Variants in LONP2 observed in about 807,000 individuals in gnomAD.
LONP2 encodes the protein lon peptidase 2, peroxisomal.
LONP2 carries 60 observed loss-of-function variants against 85.6 expected under a neutral mutation model. That is an observed-to-expected ratio of 0.70 (90% CI 0.57 to 0.87). The LOEUF is 0.87. Among genes scored for constraint, LONP2 ranks in the 40% least tolerant of loss-of-function variants. The pLI is 0.00. For synonymous variants in LONP2, 395 were observed against 389.7 expected (o/e 1.01, Z -0.16); for missense variants, 860 against 1,063.5 (o/e 0.81, Z 2.66).
chr16:48,333,424 A>T (rs761104797), intron 11 of LONP2, among the ~76,000 whole-genome samples: 3 of 152,154 alleles, frequency 2.0e-5, no homozygotes, highest in Non-Finnish European at 4.4e-5. Flanking sequence ...GAAAATGATA[A>T]CCTTAGAGTT....
intron 11 of LONP2, among the ~76,000 whole-genome samples, chr16:48,304,289 C>A (rs1421591374): frequency 1.3e-5 from 2 of 152,208 alleles, no homozygotes; most frequent in African/African-American, 2.4e-5. Context: ...TAATTTTTCA[C>A]ACATTTTCTT....
At chr16:48,251,583 T>G (rs979057756) in intron 1 of LONP2, among the ~76,000 whole-genome samples, 2 of 152,144 alleles carry the variant, frequency 1.3e-5, no homozygotes, top group African/African-American at 4.8e-5. Context: ...ACTTAGAAAT[T>G]CAGTGTTAAG....
intron 12 of LONP2, among the ~76,000 whole-genome samples, chr16:48,346,340 A>G (rs1184106461): frequency 4.6e-5 from 7 of 152,148 alleles, no homozygotes; most frequent in African/African-American, 1.7e-4. Flanking sequence ...CAAAGGGTGT[A>G]ATGAGAGTTA....
intron 11 of LONP2, among the ~76,000 whole-genome samples, chr16:48,326,541 T>C (rs893661748): frequency 7.9e-5 from 12 of 152,164 alleles, no homozygotes; most frequent in Admixed American, 3.3e-4. Flanking sequence ...ATAAAGATGA[T>C]GATAGATATC....
At chr16:48,296,208 A>T (rs369434923) in intron 9 of LONP2, 43 bp downstream of exon 9, 17 of 1,589,814 alleles carry the variant, frequency 1.1e-5, no homozygotes, top group Non-Finnish European at 1.4e-5. Flanking sequence ...TGCCTTTCTG[A>T]CCATAACTTT....
intron 1 of LONP2, among the ~76,000 whole-genome samples, chr16:48,244,938 T>C (rs1971273519): frequency 6.6e-6 from 1 of 152,198 alleles, no homozygotes; most frequent in African/African-American, 2.4e-5. Context: ...CCTAGGCCAG[T>C]GCTTTTAACT....
chr16:48,350,595 G>A (rs967872244), intron 14 of LONP2, among the ~76,000 whole-genome samples: 16 of 152,204 alleles, frequency 1.1e-4, no homozygotes, highest in African/African-American at 2.9e-4. Context: ...CCAGTGGGGC[G>A]GGAAGGCCTG....
At chr16:48,329,785 T>C (rs1179348844) in intron 11 of LONP2, among the ~76,000 whole-genome samples, 1 of 152,246 alleles carries the variant, frequency 6.6e-6, no homozygotes, top group East Asian at 1.9e-4. Flanking sequence ...TGAAAACACT[T>C]AGGAAACCAT....
chr16:48,249,730 AT>A (rs201469570), intron 1 of LONP2, among the ~76,000 whole-genome samples: 2 of 151,870 alleles, frequency 1.3e-5, no homozygotes, highest in African/African-American at 4.8e-5. Context: ...AGAAAAAAAA[AT>A]TTTTTTAAAG....
intron 12 of LONP2, 29 bp from the exon 13 acceptor site, chr16:48,347,478 C>A: frequency 6.2e-7 from 1 of 1,612,618 alleles, no homozygotes; most frequent in Non-Finnish European, 8.5e-7. Context: ...ATTTGCCAAC[C>A]CAACTCTGAT....
At chr16:48,341,477 A>G (rs1187762177) in intron 12 of LONP2, among the ~76,000 whole-genome samples, 1 of 152,054 alleles carries the variant, frequency 6.6e-6, no homozygotes, top group African/African-American at 2.4e-5. Flanking sequence ...CACCTCCCAC[A>G]AGAACTCACT....
chr16:48,337,198 C>G (rs1959676952), intron 12 of LONP2, among the ~76,000 whole-genome samples: 1 of 152,242 alleles, frequency 6.6e-6, no homozygotes, highest in African/African-American at 2.4e-5. Context: ...ATTATTCTTT[C>G]TACCTTTCTA....
At chr16:48,350,974 T>C (rs1960124206) in intron 14 of LONP2, among the ~76,000 whole-genome samples, 1 of 152,198 alleles carries the variant, frequency 6.6e-6, no homozygotes, top group Admixed American at 6.6e-5. Flanking sequence ...AGCTCTCGTT[T>C]TTTGTGACTC....
At chr16:48,347,428 C>A in intron 12 of LONP2, 79 bp from the exon 13 acceptor site, 2 of 1,405,304 alleles carry the variant, frequency 1.4e-6, no homozygotes, top group Non-Finnish European at 2.0e-6. Flanking sequence ...GTGGAGTCAG[C>A]CGACTCTTGC....
chr16:48,277,252 T>C (rs1972227909), intron 7 of LONP2, 86 bp from the exon 8 acceptor site: 1 of 1,335,268 alleles, frequency 7.5e-7, no homozygotes, highest in Admixed American at 2.1e-5. Context: ...AATGATCTTT[T>C]CACATTCCTA....
rs78838176 is a variant in LONP2, at chr16:48,279,837, C to T, written c.1383+2358C>T. On this transcript the variant is annotated intron_variant, in intron 8 of 14. Coordinates refer to ENST00000285737, the MANE Select transcript of LONP2 (RefSeq NM_031490.5). ...GTTTTTATTTTTTTCTTGTTTATTT[C>T]TGTGCTTTGAGCTGCCTCGTGCTTC... 2.6e-4 allele frequency among the ~76,000 whole-genome samples: 40 copies of T among 152,240 alleles called. No homozygotes were observed. The East Asian group carries it at 7.1e-3, about 27-fold the overall frequency.
chr16:48,350,535 T>C (rs987486419), intron 14 of LONP2, among the ~76,000 whole-genome samples: 2 of 152,228 alleles, frequency 1.3e-5, no homozygotes, highest in African/African-American at 4.8e-5. Context: ...TTGAAGAAGG[T>C]ACTTTGAAGG....
At chr16:48,334,628 C>T in intron 12 of LONP2, 1 of 622,570 alleles carries the variant, frequency 1.6e-6, no homozygotes, top group Non-Finnish European at 3.0e-6. Context: ...CTCCGTAATG[C>T]CACCTCACAG....
At chr16:48,326,793 A>G (rs962350415) in intron 11 of LONP2, among the ~76,000 whole-genome samples, 1 of 152,020 alleles carries the variant, frequency 6.6e-6, no homozygotes, top group Non-Finnish European at 1.5e-5. Flanking sequence ...CTTCCTCCTT[A>G]CTTCCCCTTT....
Sources: gnomAD v4.1 joint callset for allele counts (sites outside exome capture counted in the v4.1 genomes callset) on GRCh38, gnomAD v4.1.1 for gene constraint, MANE v1.5 for transcripts, NCBI Gene and HGNC (gene_info 2026-07-23, HGNC 2026-07-21) for gene names.